The following INTS7 variants were observed in gnomAD, a reference collection of about 807,000 sequenced individuals.
The protein encoded by INTS7 is chromosome 1 open reading frame 73.
In INTS7, 46 loss-of-function variants were observed where a neutral mutation model predicts 109.2. That is an observed-to-expected ratio of 0.42 (90% CI 0.33 to 0.54). The LOEUF is 0.54. Among genes scored for constraint, INTS7 ranks in the 20% least tolerant of loss-of-function variants. The pLI is 0.07. For synonymous variants in INTS7, 412 were observed against 402.9 expected, an observed-to-expected ratio of 1.02 and a Z score of -0.27; for missense variants, 929 against 1,132.4, an observed-to-expected ratio of 0.82 and a Z score of 2.58.
At chr1:212,000,082 G>A (rs1665593684) in intron 7 of INTS7, among the ~76,000 whole-genome samples, 1 of 151,944 alleles carries the variant, frequency 6.6e-6, no homozygotes, top group South Asian at 2.1e-4. Context: ...TCCAGCCTGG[G>A]CAACACAGTG....
intron 7 of INTS7, among the ~76,000 whole-genome samples, chr1:212,004,956 T>C (rs554400733): frequency 3.3e-5 from 5 of 152,328 alleles, no homozygotes; most frequent in African/African-American, 9.6e-5. Context: ...AACTGGTTCA[T>C]TGACTTTGGA....
At chr1:212,022,071 A>C (rs964169160) in intron 1 of INTS7, among the ~76,000 whole-genome samples, 1 of 152,186 alleles carries the variant, frequency 6.6e-6, no homozygotes, top group Non-Finnish European at 1.5e-5. Context: ...TGGAAACAAT[A>C]ATCTTTGAAA....
intron 8 of INTS7, among the ~76,000 whole-genome samples, chr1:211,985,300 C>A (rs985128228): frequency 9.9e-5 from 15 of 152,022 alleles, no homozygotes; most frequent in African/African-American, 3.6e-4. Flanking sequence ...TATATTTGAG[C>A]CATTTGTTAG....
In INTS7 at chr1:211,976,680, C is replaced by T; in HGVS notation, c.1510G>A (p.Ala504Thr). Reference protein sequence around the residue: ...ATVIFVASQKALSVESKAVIK... With the variant: ...ATVIFVASQKTLSVESKAVIK... ...ACTGCCTTACTTTCCACAGACAATG[C>T]CTTCTGACTTGCAACAAAAATCACA... The change falls in exon 12 of 20, where the codon GCA becomes ACA. Residue 504 changes from alanine to threonine, a missense_variant. This residue lies in a region of INTS7 where 787 missense variants were observed against 901.1 expected (regional missense o/e 0.87). Coordinates refer to ENST00000366994, the MANE Select transcript of INTS7 (RefSeq NM_015434.4). 6.2e-7 allele frequency: 1 copy of T among 1,613,944 alleles called. No individual in the cohort carries two copies. The highest frequency in any genetic ancestry group is 1.3e-5 in the African/African-American group (1 of 75,024).
intron 1 of INTS7, among the ~76,000 whole-genome samples, chr1:212,030,020 C>T (rs941458126): frequency 4.6e-5 from 7 of 152,220 alleles, no homozygotes; most frequent in Admixed American, 1.3e-4. Flanking sequence ...TATGCAACAT[C>T]ATCCAGTATG....
chr1:211,952,818 C>G lies in INTS7; in HGVS notation c.2184-117G>C, dbSNP rs1007278447. 4 of 1,001,118 alleles carry G rather than the reference C, an allele frequency of 4.0e-6. No individual in the cohort carries two copies. In the African/African-American group the frequency reaches 6.6e-5, roughly 17 times the overall value. 62.0% of individuals were successfully genotyped at this position (1,001,118 alleles called of 1,614,324 possible). A position where few individuals can be genotyped will look rare whatever the true frequency, so the allele number is the denominator to read the frequency against. The stretch of plus-strand genomic sequence containing the variant: ...AATTTTTAAAATAATGAAGTTATTT[C>G]CATTTACAGGTGAGAAAATTGAGGC... On this transcript the variant is annotated intron_variant, in intron 16 of 19. Coordinates refer to ENST00000366994, the MANE Select transcript of INTS7 (RefSeq NM_015434.4).
intron 4 of INTS7, among the ~76,000 whole-genome samples, chr1:212,014,584 C>T (rs1160200514): frequency 6.6e-6 from 1 of 150,904 alleles, no homozygotes; most frequent in African/African-American, 2.4e-5. Flanking sequence ...CACGGTCTCC[C>T]TCTGATGCCG....
At chr1:211,952,493 C>A in intron 17 of INTS7, 76 bp downstream of exon 17, 1 of 1,458,434 alleles carries the variant, frequency 6.9e-7, no homozygotes, top group South Asian at 1.2e-5. Context: ...TTGTTGAACT[C>A]ACACAGTAAG....
chr1:211,968,331 C>A (rs972714051), intron 14 of INTS7, among the ~76,000 whole-genome samples, 182 bp downstream of exon 14: 1 of 152,170 alleles, frequency 6.6e-6, no homozygotes, highest in Non-Finnish European at 1.5e-5. Flanking sequence ...ATTGAGATAA[C>A]ATGAATCACT....
chr1:211,970,681 T>C (rs1475565689), intron 13 of INTS7, among the ~76,000 whole-genome samples: 1 of 151,968 alleles, frequency 6.6e-6, no homozygotes, highest in Non-Finnish European at 1.5e-5. Flanking sequence ...AAAACACAAA[T>C]GGTCAAACAT....
intron 8 of INTS7, among the ~76,000 whole-genome samples, chr1:211,983,578 G>C (rs1664757055): frequency 6.6e-6 from 1 of 152,086 alleles, no homozygotes; most frequent in African/African-American, 2.4e-5. Flanking sequence ...AAGGAGATTA[G>C]GGCTTGTTCA....
chr1:211,965,452 T>A (rs1663830059), intron 16 of INTS7, among the ~76,000 whole-genome samples: 2 of 152,146 alleles, frequency 1.3e-5, no homozygotes, highest in South Asian at 4.1e-4. Flanking sequence ...ACTGTGTATA[T>A]ACCCAAAGGA....
At position 211,978,422 on chromosome 1, in the gene INTS7, A is replaced by C; in HGVS notation, c.1320T>G (p.Ser440Arg). The part of the protein sequence containing the change: ...VVETLLTQLH[S>R]AQDAARILMC... ...TCAAAATCCGGGCAGCGTCTTGAGC[A>C]CTGTGCAATTGAGTCAACAAGGTCT... The change falls in exon 11 of 20, where the codon AGT becomes AGG. Residue 440 changes from serine to arginine, a missense_variant. Around this residue, in one of 2 missense-constraint regions of INTS7, gnomAD observed 787 missense variants for 901.1 expected, o/e 0.87. Transcript: ENST00000366994. 3.7e-6 allele frequency: 6 copies of C among 1,614,234 alleles called. No individual in the cohort carries two copies. The highest frequency in any genetic ancestry group is 5.1e-6 in the Non-Finnish European group (6 of 1,180,046).
Position 211,942,673 on chromosome 1 carries a change from T to C in INTS7, c.2602-562A>G, listed in dbSNP as rs181376922. Reference sequence around the variant, plus strand: ...TCCTTTAACAAATTAACTGAACCATTTGTACATTGCTCATTTAATAAGCAC... The same window carrying C: ...TCCTTTAACAAATTAACTGAACCATCTGTACATTGCTCATTTAATAAGCAC... On this transcript the variant is annotated intron_variant, in intron 19 of 19. Transcript: ENST00000366994. The surrounding 1 kb of genome is among the most constrained non-coding windows in gnomAD (Gnocchi z 4.2). Among the ~76,000 whole-genome samples the C allele has an allele frequency of 2.6e-5, 4 of 152,334 alleles. No individual in the cohort carries two copies. The East Asian group carries it at 5.8e-4, about 22-fold the overall frequency.
intron 7 of INTS7, among the ~76,000 whole-genome samples, chr1:212,000,321 T>C (rs186894374): frequency 1.8e-4 from 28 of 152,336 alleles, no homozygotes; most frequent in African/African-American, 5.5e-4. Context: ...CATGTAGTGA[T>C]TGGAAATGTT....
At chr1:211,990,520 T>C (rs963857069) in intron 7 of INTS7, among the ~76,000 whole-genome samples, 4 of 152,224 alleles carry the variant, frequency 2.6e-5, no homozygotes, top group Non-Finnish European at 4.4e-5. Context: ...ACTCATGGTA[T>C]ACTTTTGAGC....
At chr1:211,958,169 G>A (rs1157624567) in intron 16 of INTS7, among the ~76,000 whole-genome samples, 1 of 151,670 alleles carries the variant, frequency 6.6e-6, no homozygotes, top group East Asian at 1.9e-4. Context: ...GCCTAAAAAA[G>A]TTCCTTTAAC....
rs1387665676 is a variant in INTS7, at chr1:212,035,400, G to A, written c.38C>T (p.Ala13Val). 1.2e-6 allele frequency: 2 copies of A among 1,613,766 alleles called. No homozygotes were observed. Among genetic ancestry groups the A allele is most frequent in the African/African-American group, 1.3e-5 (1 of 74,926 alleles). ...ATCCAGTTCCTGTTCGCCATAGCCG[G>A]CATCTGCCAGGAAAGACTTAGTTGA... ...SNSTKSFLAD[A>V]GYGEQELDAN... The change falls in exon 1 of 20, where the codon GCC (alanine) becomes GTC (valine). Residue 13 changes from alanine to valine, a missense_variant. Ala to Val is a moderately conservative substitution (Grantham distance 64). This residue lies in a region of INTS7 where 142 missense variants were observed against 231.4 expected (regional missense o/e 0.61). Transcript: ENST00000366994.
At chr1:211,974,925 C>T (rs546122859) in intron 13 of INTS7, among the ~76,000 whole-genome samples, 1 of 152,250 alleles carries the variant, frequency 6.6e-6, no homozygotes, top group South Asian at 2.1e-4. Flanking sequence ...CACCACTTAC[C>T]CATTCTGCAT....
Sources: allele counts gnomAD v4.1 joint callset (sites outside exome capture counted in the v4.1 genomes callset), GRCh38; gene constraint gnomAD v4.1.1; regional missense constraint gnomAD v4.1.1; non-coding constraint Gnocchi (gnomAD v3.1); transcripts MANE v1.5; gene names NCBI Gene and HGNC (gene_info 2026-07-23, HGNC 2026-07-21).